The following TFDP1 variants were observed in gnomAD, a reference collection of about 807,000 sequenced individuals.
TFDP1 encodes transcription factor Dp-1.
TFDP1 carries 6 observed loss-of-function variants against 48.0 expected under a neutral mutation model. That is an observed-to-expected ratio of 0.13 (90% CI 0.07 to 0.25). The LOEUF (loss-of-function observed/expected upper bound fraction) is 0.25. TFDP1 is among the 10% of genes least tolerant of loss of function. The probability of loss-of-function intolerance (pLI) is 1.00; values close to 1 mark genes in which losing one functional copy is unlikely to be tolerated. For synonymous variants in TFDP1, 201 were observed against 211.6 expected (o/e 0.95, Z 0.44); for missense variants, 335 against 543.0 (o/e 0.62, Z 3.81).
At chr13:113,626,605 G>A (rs569151796) in intron 4 of TFDP1, among the ~76,000 whole-genome samples, 29 of 151,930 alleles carry the variant, frequency 1.9e-4, no homozygotes, top group African/African-American at 6.0e-4. Flanking sequence ...TTGTGGCCCC[G>A]TTTCCTGCCT....
At chr13:113,593,367 C>T (rs1348930031) in intron 2 of TFDP1, among the ~76,000 whole-genome samples, 1 of 140,666 alleles carries the variant, frequency 7.1e-6, no homozygotes, top group Non-Finnish European at 1.5e-5. Context: ...TGTGGGTCCT[C>T]ACCCTGCCCA....
intron 2 of TFDP1, among the ~76,000 whole-genome samples, chr13:113,589,152 A>C (rs1434385328): frequency 1.3e-5 from 2 of 152,066 alleles, no homozygotes; most frequent in African/African-American, 4.8e-5. Flanking sequence ...AATGGTGAGA[A>C]GGATTAGGTT....
At chr13:113,620,154 G>A (rs1203198796) in intron 3 of TFDP1, among the ~76,000 whole-genome samples, 9 of 152,216 alleles carry the variant, frequency 5.9e-5, no homozygotes, top group Admixed American at 4.6e-4. Flanking sequence ...CCAGCCGGCC[G>A]GCCTGTGGGT....
At chr13:113,637,682 A>G in intron 10 of TFDP1, 136 bp from the exon 11 acceptor site, 1 of 1,554,722 alleles carries the variant, frequency 6.4e-7, no homozygotes, top group Non-Finnish European at 8.7e-7. Context: ...TGTGGAAAAT[A>G]CTGGACAAGC....
chr13:113,636,484 C>T, intron 9 of TFDP1, 50 bp from the exon 10 acceptor site: 1 of 1,592,750 alleles, frequency 6.3e-7, no homozygotes, highest in South Asian at 1.1e-5. Context: ...CCAGTGTGTA[C>T]CGTCTCCGCT....
intron 5 of TFDP1, among the ~76,000 whole-genome samples, chr13:113,632,178 T>G (rs2140585966): frequency 6.6e-6 from 1 of 152,320 alleles, no homozygotes; most frequent in South Asian, 2.1e-4. Context: ...CCAGAGCTGC[T>G]CCTTCCACTA....
intron 2 of TFDP1, among the ~76,000 whole-genome samples, chr13:113,609,451 C>T (rs1406446494): frequency 6.6e-6 from 1 of 151,804 alleles, no homozygotes; most frequent in Non-Finnish European, 1.5e-5. Context: ...TTTTTTTTAG[C>T]GTCCTAGGAT....
intron 2 of TFDP1, among the ~76,000 whole-genome samples, chr13:113,589,275 C>G (rs1288389604): frequency 6.6e-6 from 1 of 152,166 alleles, no homozygotes; most frequent in African/African-American, 2.4e-5. Context: ...ATGTGGAGAA[C>G]AGGAGTCAGC....
intron 5 of TFDP1, among the ~76,000 whole-genome samples, chr13:113,632,733 G>A (rs1021451067): frequency 2.6e-5 from 4 of 152,138 alleles, no homozygotes; most frequent in African/African-American, 9.7e-5. Context: ...AGCCGAGATG[G>A]CGCCACCGCA....
rs1037049482 is a variant in TFDP1, at chr13:113,598,257, T to C, written c.12+12408T>C. On this transcript the variant is annotated intron_variant, in intron 2 of 11. Coordinates refer to ENST00000375370, the MANE Select transcript of TFDP1 (RefSeq NM_007111.5). The surrounding 1 kb of genome is among the most constrained non-coding windows in gnomAD (Gnocchi z 4.2). Reference sequence around the variant, plus strand: ...AGCGGGAGGCAGGATGCAAGCACCTTTTTAACGGCTGTGGAACTGATGTAT... The same window carrying C: ...AGCGGGAGGCAGGATGCAAGCACCTCTTTAACGGCTGTGGAACTGATGTAT... Among the ~76,000 whole-genome samples, 2 of 152,174 alleles carry C rather than the reference T, an allele frequency of 1.3e-5. No individual in the cohort carries two copies. Among genetic ancestry groups the C allele is most frequent in the Non-Finnish European group, 2.9e-5 (2 of 68,030 alleles).
chr13:113,593,912 G>A (rs1223364006), intron 2 of TFDP1, among the ~76,000 whole-genome samples: 5 of 147,194 alleles, frequency 3.4e-5, no homozygotes, highest in East Asian at 4.3e-4. Flanking sequence ...TGGTGTGTGC[G>A]GGTCCTCAGC....
intron 3 of TFDP1, among the ~76,000 whole-genome samples, chr13:113,619,474 A>C (rs1486581401): frequency 1.3e-5 from 2 of 149,954 alleles, no homozygotes; most frequent in East Asian, 3.9e-4. Context: ...CCATCTCAAA[A>C]AAAAAACAAA....
intron 4 of TFDP1, among the ~76,000 whole-genome samples, chr13:113,625,023 CCTCAGGTGTTT>C (rs200330526): frequency 2.1e-5 from 3 of 144,066 alleles, no homozygotes; most frequent in Non-Finnish European, 3.0e-5. Context: ...TCTCACGTGT[CCTCAGGTGTTT>C]CTCAGGTGTC....
intron 2 of TFDP1, among the ~76,000 whole-genome samples, chr13:113,608,659 G>A (rs1489357580): frequency 1.3e-5 from 2 of 152,140 alleles, no homozygotes; most frequent in African/African-American, 2.4e-5. Flanking sequence ...CTGGCCTTAC[G>A]CACCTGGCTG....
chr13:113,638,311 T>A (rs2049551332), intron 11 of TFDP1, among the ~76,000 whole-genome samples: 1 of 151,078 alleles, frequency 6.6e-6, no homozygotes, highest in Admixed American at 6.6e-5. Flanking sequence ...TCAGAACGTG[T>A]CTGCGATCAC....
chr13:113,636,782 G>A (rs779800740), intron 10 of TFDP1, 82 bp downstream of exon 10: 22 of 1,500,206 alleles, frequency 1.5e-5, no homozygotes, highest in Non-Finnish European at 2.0e-5. Flanking sequence ...TCCCGGCTCG[G>A]GATGTGTCTT....
chr13:113,628,257 C>G (rs2049240291), intron 4 of TFDP1, among the ~76,000 whole-genome samples: 1 of 151,734 alleles, frequency 6.6e-6, no homozygotes, highest in Non-Finnish European at 1.5e-5. Flanking sequence ...GAGACTGTGT[C>G]TGAAGCCGTG....
intron 2 of TFDP1, among the ~76,000 whole-genome samples, chr13:113,599,952 A>G (rs940252571): frequency 2.7e-4 from 34 of 125,302 alleles, no homozygotes; most frequent in South Asian, 5.5e-4. Context: ...GACTGTGATA[A>G]AGAATCCTTG....
At chr13:113,599,363 A>G (rs944790980) in intron 2 of TFDP1, among the ~76,000 whole-genome samples, 2 of 152,194 alleles carry the variant, frequency 1.3e-5, no homozygotes, top group African/African-American at 2.4e-5. Context: ...AGAGATAGTC[A>G]TTCACTCTTA....
Sources: gnomAD v4.1 joint callset for allele counts (sites outside exome capture counted in the v4.1 genomes callset) on GRCh38, gnomAD v4.1.1 for gene constraint, Gnocchi (gnomAD v3.1) non-coding constraint, MANE v1.5 for transcripts, NCBI Gene and HGNC (gene_info 2026-07-23, HGNC 2026-07-21) for gene names.